RBFOX1: variants seen among roughly 807,000 people sequenced by gnomAD.
The protein encoded by RBFOX1 is RNA binding fox-1 homolog 1, also known as RNA binding protein fox-1 homolog 1.
A neutral mutation model predicts 57.7 loss-of-function variants in RBFOX1; 8 were observed. The ratio of observed to expected loss-of-function variants is 0.14; its 90% CI spans 0.08 to 0.25. The LOEUF is 0.25. Among genes scored for constraint, RBFOX1 ranks in the 10% least tolerant of loss-of-function variants. The pLI is 1.00. For synonymous variants in RBFOX1, 326 were observed against 222.4 expected, an observed-to-expected ratio of 1.47 and a Z score of -4.15; for missense variants, 611 against 548.5, an observed-to-expected ratio of 1.11 and a Z score of -1.14.
intron 4 of RBFOX1, among the ~76,000 whole-genome samples, chr16:7,299,770 C>T (rs899764409): frequency 6.6e-6 from 1 of 152,182 alleles, no homozygotes; most frequent in African/African-American, 2.4e-5. Flanking sequence ...AAACTTCTCA[C>T]CCCTATCCCT....
At chr16:6,757,899 A>G (rs988938569) in intron 3 of RBFOX1, among the ~76,000 whole-genome samples, 4 of 152,194 alleles carry the variant, frequency 2.6e-5, no homozygotes, top group Admixed American at 1.3e-4. Flanking sequence ...TGTCACATGT[A>G]CCCTGTAAAT....
Position 5,903,179 on chromosome 16 carries a change from A to G in RBFOX1, c.351+35844A>G, listed in dbSNP as rs899921464. ...GTATGGGAAATATGTTCTGCACTGG[A>G]AAATGTAAACCCATGCAGTGTTTCA... is the stretch of plus-strand genomic sequence containing the variant. On this transcript the variant is annotated intron_variant, in intron 4 of 19. Transcript: ENST00000641259. 6.6e-5 allele frequency among the ~76,000 whole-genome samples: 10 copies of G among 152,156 alleles called. No individual in the cohort carries two copies. The South Asian group carries it at 1.0e-3, about 16-fold the overall frequency.
Position 7,555,998 on chromosome 16 carries a change from G to A in RBFOX1, c.271-23779G>A, listed in dbSNP as rs575006902. Among the ~76,000 whole-genome samples the A allele has an allele frequency of 8.8e-4, 127 of 144,206 alleles. 1 individual carries two copies. Among genetic ancestry groups the A allele is most frequent in the African/African-American group, 3.5e-3 (123 of 35,378 alleles). 94.6% of individuals were successfully genotyped at this position (144,206 alleles called of 152,430 possible). ...CTCCACGATGCATTTCCAACACCTG[G>A]AATTGCATACTTAGTGCTTAATGGA... On this transcript the variant is annotated intron_variant, in intron 5 of 15. Coordinates refer to ENST00000550418, the MANE Select transcript of RBFOX1 (RefSeq NM_018723.4).
chr16:6,999,352 T>G (rs972045723), intron 3 of RBFOX1, among the ~76,000 whole-genome samples: 4 of 151,608 alleles, frequency 2.6e-5, no homozygotes, highest in African/African-American at 9.7e-5. Flanking sequence ...CCGTTGTGCC[T>G]GGCCAGGAGC....
At chr16:6,902,968 C>T (rs1040845407) in intron 3 of RBFOX1, among the ~76,000 whole-genome samples, 1 of 152,118 alleles carries the variant, frequency 6.6e-6, no homozygotes, top group Non-Finnish European at 1.5e-5. Flanking sequence ...AGAAGATGGA[C>T]ATAAACAAAA....
At chr16:7,010,039 A>C (rs879580485) in intron 3 of RBFOX1, among the ~76,000 whole-genome samples, 1 of 152,044 alleles carries the variant, frequency 6.6e-6, no homozygotes, top group African/African-American at 2.4e-5. Context: ...TAAGAAAAAA[A>C]AAATGCACTC....
At chr16:7,199,513 T>G (rs564326748) in intron 4 of RBFOX1, among the ~76,000 whole-genome samples, 134 of 152,290 alleles carry the variant, frequency 8.8e-4, no homozygotes, top group South Asian at 1.9e-3. Context: ...ACACCTGTCA[T>G]TGCTGTGTAT....
intron 4 of RBFOX1, among the ~76,000 whole-genome samples, chr16:7,511,621 T>A: frequency 7.1e-6 from 1 of 141,216 alleles, no homozygotes; most frequent in Non-Finnish European, 1.5e-5. Flanking sequence ...TTGAAATGAC[T>A]TTTTTTTTTG....
intron 3 of RBFOX1, among the ~76,000 whole-genome samples, chr16:6,964,247 G>T (rs187945667): frequency 1.3e-5 from 2 of 151,206 alleles, no homozygotes; most frequent in East Asian, 2.0e-4. Flanking sequence ...TCGAACTGCT[G>T]ATCTCAAGTG....
chr16:6,253,568 C>T (rs776456766), intron 1 of RBFOX1, among the ~76,000 whole-genome samples: 45 of 151,862 alleles, frequency 3.0e-4, no homozygotes, highest in Non-Finnish European at 5.0e-4. Flanking sequence ...GTTTTCCAAT[C>T]AAAGCTTGAT....
intron 2 of RBFOX1, among the ~76,000 whole-genome samples, chr16:6,561,507 G>C (rs976672827): frequency 5.9e-5 from 9 of 152,110 alleles, no homozygotes; most frequent in African/African-American, 1.2e-4. Flanking sequence ...TTATGGATAT[G>C]GGTTTAATGT....
At chr16:7,421,225 C>G (rs979850295) in intron 4 of RBFOX1, among the ~76,000 whole-genome samples, 1 of 147,002 alleles carries the variant, frequency 6.8e-6, no homozygotes, top group East Asian at 2.0e-4. Context: ...ACATGGGAGG[C>G]AGAAAGACAA....
chr16:7,343,347 G>T (rs1215281300), intron 4 of RBFOX1, among the ~76,000 whole-genome samples: 1 of 152,120 alleles, frequency 6.6e-6, no homozygotes, highest in Non-Finnish European at 1.5e-5. Flanking sequence ...CCAGGCAAGG[G>T]AGGAGCATGG....
At chr16:5,681,217 G>A (rs1382573592) in intron 3 of RBFOX1, among the ~76,000 whole-genome samples, 2 of 151,018 alleles carry the variant, frequency 1.3e-5, no homozygotes, top group South Asian at 2.1e-4. Context: ...GGGATCACAG[G>A]TGCCTGCCAC....
intron 2 of RBFOX1, among the ~76,000 whole-genome samples, chr16:5,506,198 G>C (rs529904942): frequency 2.0e-5 from 3 of 151,154 alleles, no homozygotes; most frequent in Non-Finnish European, 4.4e-5. Flanking sequence ...CTGAAGGCAG[G>C]GTTCCCAGTG....
chr16:6,862,840 C>T (rs1014636521), intron 3 of RBFOX1, among the ~76,000 whole-genome samples: 3 of 151,960 alleles, frequency 2.0e-5, no homozygotes, highest in African/African-American at 7.3e-5. Context: ...CAAAAATTAG[C>T]CAGTCATGGT....
intron 14 of RBFOX1, among the ~76,000 whole-genome samples, chr16:7,702,640 G>GTTCT (rs778582374): frequency 3.3e-5 from 5 of 152,182 alleles, no homozygotes; most frequent in Non-Finnish European, 5.9e-5. Context: ...TTCTGGTCTT[G>GTTCT]TTCTTTCTTT....
intron 4 of RBFOX1, among the ~76,000 whole-genome samples, chr16:7,184,026 GC>G (rs2083242848): frequency 6.6e-6 from 1 of 152,212 alleles, no homozygotes; most frequent in Non-Finnish European, 1.5e-5. Flanking sequence ...GATGCAGATG[GC>G]TGGAGGTGGC....
chr16:6,024,952 G>T (rs577851837), intron 1 of RBFOX1, among the ~76,000 whole-genome samples: 1 of 152,322 alleles, frequency 6.6e-6, no homozygotes, highest in East Asian at 1.9e-4. Context: ...TTTCAGAGAA[G>T]GGGACCAACA....
Sources: allele counts gnomAD v4.1 joint callset (sites outside exome capture counted in the v4.1 genomes callset), GRCh38; gene constraint gnomAD v4.1.1; transcripts MANE v1.5; gene names NCBI Gene and HGNC (gene_info 2026-07-23, HGNC 2026-07-21).